The following IL23R variants were observed in gnomAD, a reference collection of about 807,000 sequenced individuals.
IL23R encodes interleukin-23 receptor.
Under a neutral mutation model 56.9 loss-of-function variants are expected in IL23R, and 34 were observed. The ratio of observed to expected loss-of-function variants is 0.60; its 90% CI spans 0.45 to 0.80. The LOEUF (loss-of-function observed/expected upper bound fraction) is 0.80. Among genes scored for constraint, IL23R ranks in the 30% least tolerant of loss-of-function variants. The pLI is 0.00. For missense variants in IL23R, 635 were observed against 730.0 expected (o/e 0.87, Z 1.50); for synonymous variants, 230 against 249.2 (o/e 0.92, Z 0.73).
chr1:67,205,887 C>CTTTCTTTCT (rs1054676312), intron 5 of IL23R, among the ~76,000 whole-genome samples: 3 of 111,320 alleles, frequency 2.7e-5, no homozygotes, highest in African/African-American at 9.1e-5. Context: ...TTCTTTCTTT[C>CTTTCTTTCT]TTTCTTTCTT....
chr1:67,204,534 T>C (rs1648872974), intron 5 of IL23R, among the ~76,000 whole-genome samples: 1 of 152,224 alleles, frequency 6.6e-6, no homozygotes. Context: ...CTTACTGTGC[T>C]ATCTGCATTT....
chr1:67,205,627 C>T (rs1181907647), intron 5 of IL23R, among the ~76,000 whole-genome samples: 1 of 152,224 alleles, frequency 6.6e-6, no homozygotes, highest in Admixed American at 6.5e-5. Context: ...AACAAAACAA[C>T]TAATAAAATA....
intron 5 of IL23R, among the ~76,000 whole-genome samples, chr1:67,202,767 G>A (rs1648731872): frequency 6.6e-6 from 1 of 152,020 alleles, no homozygotes; most frequent in African/African-American, 2.4e-5. Flanking sequence ...TAGAGACAGA[G>A]TCTCATTTTG....
Position 67,206,932 on chromosome 1 carries a change from T to G in IL23R, c.675T>G (p.Ile225Met), listed in dbSNP as rs753835420. ...TAGTGATACCTTCTGCAGCCGTCAT[T>G]TCCAGGGCTGAGACTATAAATGCTA... ...DDIVIPSAAV[I>M]SRAETINATV... The change falls in exon 6 of 11, where the codon ATT becomes ATG. Residue 225 changes from isoleucine to methionine, a missense_variant. By Grantham distance (10) the Ile-to-Met change is conservative. Transcript: ENST00000347310. 6.4e-7 allele frequency: 1 copy of G among 1,564,986 alleles called. No homozygotes were observed. The highest frequency in any genetic ancestry group is 8.8e-7 in the Non-Finnish European group (1 of 1,142,558).
chr1:67,227,998 CT>C (rs534970179), intron 7 of IL23R, among the ~76,000 whole-genome samples: 1 of 99,506 alleles, frequency 1.0e-5, no homozygotes, highest in South Asian at 2.6e-4. Flanking sequence ...TTCTTTCTTT[CT>C]TTCTTTCTTT....
chr1:67,153,792 G>T lies in IL23R; in HGVS notation c.-633-14300G>T, dbSNP rs142835945. Among the ~76,000 whole-genome samples, 573 of 151,684 alleles carry T rather than the reference G, an allele frequency of 3.8e-3. 2 individuals carry two copies. Among genetic ancestry groups the T allele is most frequent in the African/African-American group, 0.013 (549 of 41,378 alleles). ...TCTTTTCTTTTTTTTTTGAGATGGAGTCTCGCTCTGTCACCCAGGCTGGAG... is the reference window on the plus strand; with the variant it reads ...TCTTTTCTTTTTTTTTTGAGATGGATTCTCGCTCTGTCACCCAGGCTGGAG... On this transcript the variant is annotated intron_variant, in intron 1 of 10. Coordinates refer to the IL23R transcript ENST00000637002.
intron 10 of IL23R, among the ~76,000 whole-genome samples, chr1:67,257,495 G>A (rs935396242): frequency 6.6e-6 from 1 of 152,082 alleles, no homozygotes; most frequent in Non-Finnish European, 1.5e-5. Context: ...TGTGAGGGGG[G>A]CTGGGGAGAG....
At chr1:67,229,736 AGGAT>A (rs1650974732) in intron 7 of IL23R, among the ~76,000 whole-genome samples, 1 of 152,198 alleles carries the variant, frequency 6.6e-6, no homozygotes, top group Admixed American at 6.5e-5. Context: ...CCAGAAAACC[AGGAT>A]GAAGACACAA....
intron 7 of IL23R, among the ~76,000 whole-genome samples, chr1:67,221,298 G>C (rs1405836368): frequency 6.6e-6 from 1 of 152,194 alleles, no homozygotes; most frequent in Non-Finnish European, 1.5e-5. Context: ...TCCAGCCTGG[G>C]TGACAGAGTG....
intron 7 of IL23R, among the ~76,000 whole-genome samples, chr1:67,228,110 C>G (rs201585566): frequency 9.8e-5 from 4 of 40,952 alleles, no homozygotes; most frequent in Non-Finnish European, 1.0e-4. Flanking sequence ...TTCTTTCTCT[C>G]TCTTTCTTTC....
intron 2 of IL23R, 60 bp from the exon 3 acceptor site, chr1:67,169,282 T>G: frequency 7.7e-7 from 1 of 1,301,290 alleles, no homozygotes; most frequent in Admixed American, 1.9e-5. Flanking sequence ...TAGCATATTC[T>G]TCTGAATCTC....
intron 1 of IL23R, among the ~76,000 whole-genome samples, chr1:67,149,574 ACT>A (rs773658205): frequency 2.1e-4 from 32 of 152,114 alleles, no homozygotes; most frequent in Non-Finnish European, 4.4e-4. Flanking sequence ...TGTTATAGAC[ACT>A]CAATAAATAC....
At chr1:67,205,899 C>T (rs1558242879) in intron 5 of IL23R, among the ~76,000 whole-genome samples, 1 of 123,278 alleles carries the variant, frequency 8.1e-6, no homozygotes, top group Non-Finnish European at 1.8e-5. Context: ...TTCTTTCTTT[C>T]TTTCTTTCTT....
chr1:67,263,452 G>A (rs1193297539), downstream of IL23R, among the ~76,000 whole-genome samples: 1 of 152,082 alleles, frequency 6.6e-6, no homozygotes, highest in Non-Finnish European at 1.5e-5. Flanking sequence ...TTTAAGGTGT[G>A]GTTTTCAGGT....
At chr1:67,229,361 A>G (rs7553336) in intron 7 of IL23R, among the ~76,000 whole-genome samples, 40,335 of 152,162 alleles carry the variant, frequency 0.27, 5,918 homozygotes, top group African/African-American at 0.35. Context: ...TGGGCAAGGC[A>G]TGTGGGGAGG....
chr1:67,259,003 C>A lies in IL23R; in HGVS notation c.1765C>A (p.Leu589Met). ...CAGTGAAACTATTCCAGAACAGACC[C>A]TGCTTCCTGATGAATTTGTCTCCTG... Reference protein sequence around the residue: ...SPSETIPEQTLLPDEFVSCLG... With the variant: ...SPSETIPEQTMLPDEFVSCLG... Residue 589 changes from leucine (L) to methionine (M), a missense_variant, in exon 11 of 11, where the codon CTG becomes ATG. By Grantham distance (15) the Leu-to-Met change is conservative (BLOSUM62 2). Transcript: ENST00000347310. 6.2e-7 allele frequency: 1 copy of A among 1,614,080 alleles called. No individual in the cohort carries two copies. Among genetic ancestry groups the A allele is most frequent in the Non-Finnish European group, 8.5e-7 (1 of 1,180,000 alleles).
intron 7 of IL23R, among the ~76,000 whole-genome samples, chr1:67,229,848 T>TACCTCCCC (rs1354840277): frequency 6.6e-6 from 1 of 152,230 alleles, no homozygotes; most frequent in Non-Finnish European, 1.5e-5. Context: ...TACATCTCCC[T>TACCTCCCC]ACCTCCCCAA....
At chr1:67,220,057 C>G (rs1238297157) in intron 7 of IL23R, among the ~76,000 whole-genome samples, 2 of 151,894 alleles carry the variant, frequency 1.3e-5, no homozygotes, top group African/African-American at 4.8e-5. Flanking sequence ...GAGGAAAGAC[C>G]AAGACCCTGT....
chr1:67,192,376 T>C (rs1283286206), intron 4 of IL23R, among the ~76,000 whole-genome samples: 1 of 152,216 alleles, frequency 6.6e-6, no homozygotes, highest in Non-Finnish European at 1.5e-5. Flanking sequence ...CCTTCAGGCC[T>C]TTCTTGCCCT....
Sources: allele counts gnomAD v4.1 joint callset (sites outside exome capture counted in the v4.1 genomes callset), GRCh38; gene constraint gnomAD v4.1.1; transcripts MANE v1.5; gene names NCBI Gene and HGNC (gene_info 2026-07-23, HGNC 2026-07-21).